ITGA4: variants seen among roughly 807,000 people sequenced by gnomAD.
ITGA4 encodes the protein integrin subunit alpha 4.
Under a neutral mutation model 133.6 loss-of-function variants are expected in ITGA4, and 63 were observed. That is an observed-to-expected ratio of 0.47 (90% CI 0.38 to 0.58). The LOEUF (loss-of-function observed/expected upper bound fraction) is 0.58. Ranked by LOEUF, ITGA4 falls within the 20% of genes least tolerant of loss-of-function variation. The probability of loss-of-function intolerance (pLI) is 0.00; values close to 1 mark genes in which losing one functional copy is unlikely to be tolerated. For missense variants in ITGA4, 1,076 were observed against 1,252.7 expected (o/e 0.86, Z 2.13); for synonymous variants, 483 against 438.0 (o/e 1.10, Z -1.28).
At chr2:181,497,987 T>A (rs911253266) in intron 14 of ITGA4, among the ~76,000 whole-genome samples, 6 of 152,080 alleles carry the variant, frequency 3.9e-5, no homozygotes, top group Admixed American at 1.3e-4. Flanking sequence ...GAGAATTTTT[T>A]AAAAATTGCA....
chr2:181,460,738 C>A (rs1389852222), intron 2 of ITGA4, among the ~76,000 whole-genome samples: 3 of 152,024 alleles, frequency 2.0e-5, no homozygotes, highest in African/African-American at 7.3e-5. Context: ...TTACTTAAAT[C>A]TATTATCTGT....
In ITGA4 at chr2:181,537,486, ATTC is replaced by A. The variant is rs1044481583; in HGVS notation, c.*1962_*1964del. On this transcript the variant is annotated 3_prime_UTR_variant, in exon 28 of 28. Coordinates refer to ENST00000397033, the MANE Select transcript of ITGA4 (RefSeq NM_000885.6). ...CACTTTAAGAAGACAGGGATGGGTT[ATTC>A]TTTTTTGGCAGGTAGGCTATATAAC... The A allele has an allele frequency of 6.6e-6, 3 of 453,104 alleles. No homozygotes were observed. The highest frequency in any genetic ancestry group is 4.7e-5 in the Admixed American group (2 of 42,498). 28.1% of individuals were successfully genotyped at this position (453,104 alleles called of 1,614,324 possible). A position where few individuals can be genotyped will look rare whatever the true frequency, so the allele number is the denominator to read the frequency against.
chr2:181,471,553 G>T (rs1285193250), intron 2 of ITGA4, among the ~76,000 whole-genome samples: 1 of 151,984 alleles, frequency 6.6e-6, no homozygotes, highest in Non-Finnish European at 1.5e-5. Flanking sequence ...ATCTAAGAGT[G>T]GATTAACTAA....
chr2:181,467,205 A>T (rs1250173196), intron 2 of ITGA4, among the ~76,000 whole-genome samples: 1 of 146,164 alleles, frequency 6.8e-6, no homozygotes, highest in Non-Finnish European at 1.5e-5. Flanking sequence ...TTTGTCTTAC[A>T]ATGGAATAGA....
At chr2:181,508,807 C>G (rs1233516744) in intron 15 of ITGA4, among the ~76,000 whole-genome samples, 1 of 151,810 alleles carries the variant, frequency 6.6e-6, no homozygotes, top group African/African-American at 2.4e-5. Context: ...TTCCTATATA[C>G]CATTCAGTAT....
intron 1 of ITGA4, 113 bp from the exon 2 acceptor site, chr2:181,458,083 C>CGGA (rs1464374539): frequency 7.8e-5 from 110 of 1,413,418 alleles, no homozygotes; most frequent in Non-Finnish European, 1.1e-4. Flanking sequence ...GGGTGGTGGG[C>CGGA]GGAGGAGGAG....
chr2:181,537,822 T>G lies in ITGA4; in HGVS notation c.*2295T>G, dbSNP rs1032417998. The G allele has an allele frequency of 2.3e-5, 11 of 478,422 alleles. No homozygotes were observed. The highest frequency in any genetic ancestry group is 1.8e-4 in the African/African-American group (9 of 51,144). The allele number at this position is 478,422 out of a possible 1,614,324, so 29.6% of individuals were successfully genotyped here. A position where few individuals can be genotyped will look rare whatever the true frequency, so the allele number is the denominator to read the frequency against. The stretch of plus-strand genomic sequence containing the variant: ...GACTTTTAAAGCCCTAGAGGCTAAT[T>G]GTTAGTAACATCAATTTCTATTAGG... On this transcript the variant is annotated 3_prime_UTR_variant, in exon 28 of 28. Coordinates refer to ENST00000397033, the MANE Select transcript of ITGA4 (RefSeq NM_000885.6).
At chr2:181,479,740 A>G in intron 5 of ITGA4, 1 of 152,286 alleles carries the variant, frequency 6.6e-6, no homozygotes, top group Non-Finnish European at 1.5e-5. Flanking sequence ...ATAGAAGTAA[A>G]TTAAGTCTAC....
chr2:181,475,073 A>G lies in ITGA4; in HGVS notation c.426+7A>G. 2 of 1,612,764 alleles carry G rather than the reference A, an allele frequency of 1.2e-6. No homozygotes were observed. The highest frequency in any genetic ancestry group is 1.7e-6 in the Non-Finnish European group (2 of 1,178,798). ...AGAAAATGGATCCATCGTGGTAGGT[A>G]TTGGAACTGGTCCACAGATCCATCG... On this transcript the variant is annotated splice_region_variant and intron_variant, in intron 3 of 27. Coordinates refer to ENST00000397033, the MANE Select transcript of ITGA4 (RefSeq NM_000885.6).
At chr2:181,480,342 G>A in intron 6 of ITGA4, 76 bp downstream of exon 6, 3 of 808,350 alleles carry the variant, frequency 3.7e-6, no homozygotes, top group Non-Finnish European at 5.4e-6. Context: ...TAAGGAAAAT[G>A]TATTTTCCAA....
chr2:181,488,646 A>C lies in ITGA4; in HGVS notation c.1153+2654A>C, dbSNP rs949751630. Among the ~76,000 whole-genome samples, 23 of 150,664 alleles carry C rather than the reference A, an allele frequency of 1.5e-4. No homozygotes were observed. The East Asian group carries it at 3.1e-3, about 20-fold the overall frequency. On this transcript the variant is annotated intron_variant, in intron 10 of 27. Transcript: ENST00000397033. ...TGATCTGGGCTCACTGCAAGCTCTG[A>C]CTCCCGGGTTCATGCCATTCTCCTG...
Position 181,531,708 on chromosome 2 carries a change from A to G in ITGA4, c.2716A>G (p.Lys906Glu). 6 of 1,606,782 alleles carry G rather than the reference A, an allele frequency of 3.7e-6. No homozygotes were observed. The highest frequency in any genetic ancestry group is 5.1e-6 in the Non-Finnish European group (6 of 1,174,912). ...TTTAAATTTCTTGTGTAATTTTGGGAAAATGGAAAGTGGAAAAGAAGCCAG... is the reference window on the plus strand; with the variant it reads ...TTTAAATTTCTTGTGTAATTTTGGGGAAATGGAAAGTGGAAAAGAAGCCAG... ...HCLNFLCNFG[K>E]MESGKEASVH... Residue 906 changes from lysine to glutamate, a missense_variant, in exon 25 of 28, where the codon AAA becomes GAA. This residue lies in a region of ITGA4 where 193 missense variants were observed against 172.3 expected (regional missense o/e 1.12). Transcript: ENST00000397033.
At position 181,514,044 on chromosome 2, in the gene ITGA4, A is replaced by T. The variant is rs552134137; in HGVS notation, c.1922+2269A>T. 2.6e-5 allele frequency among the ~76,000 whole-genome samples: 4 copies of T among 152,244 alleles called. No individual in the cohort carries two copies. The South Asian group carries it at 8.3e-4, about 32-fold the overall frequency. ...TGCTGAGAATGGAACAAGATCCCAA[A>T]AGGGATCAGATTCATAGGTAGAGGA... On this transcript the variant is annotated intron_variant, in intron 17 of 27. Coordinates refer to ENST00000397033, the MANE Select transcript of ITGA4 (RefSeq NM_000885.6).
At chr2:181,494,586 G>C (rs1424483096) in intron 11 of ITGA4, 136 bp from the exon 12 acceptor site, 4 of 626,324 alleles carry the variant, frequency 6.4e-6, no homozygotes, top group Non-Finnish European at 1.1e-5. Context: ...AGAAGTATTT[G>C]ATTTAACTAA....
chr2:181,512,042 G>T (rs1424565488), intron 17 of ITGA4, among the ~76,000 whole-genome samples: 1 of 152,028 alleles, frequency 6.6e-6, no homozygotes. Flanking sequence ...GAGTAAAAAG[G>T]AAATAGATAT....
At chr2:181,499,442 A>G (rs981011770) in intron 15 of ITGA4, among the ~76,000 whole-genome samples, 5 of 152,170 alleles carry the variant, frequency 3.3e-5, no homozygotes, top group African/African-American at 9.7e-5. Context: ...AAGCTGTGCC[A>G]GGTCTTTTTC....
In ITGA4 at chr2:181,498,641, G is replaced by A. The variant is rs762162921; in HGVS notation, c.1559G>A (p.Ser520Asn). Reference protein sequence around the residue: ...PGYIVLFYNMSLDVNRKAESP... With the variant: ...PGYIVLFYNMNLDVNRKAESP... ...TTTGCAGTTTTGTTTTATAACATGAGTTTGGATGTGAACAGAAAGGCAGAG... is the reference window on the plus strand; with the variant it reads ...TTTGCAGTTTTGTTTTATAACATGAATTTGGATGTGAACAGAAAGGCAGAG... Residue 520 changes from serine to asparagine, a missense_variant, in exon 15 of 28, where the codon AGT (serine) becomes AAT (asparagine). This residue lies in a region of ITGA4 where 436 missense variants were observed against 590.7 expected (regional missense o/e 0.74). Transcript: ENST00000397033. 13 of 1,607,668 alleles carry A rather than the reference G, an allele frequency of 8.1e-6. No individual in the cohort carries two copies. The Admixed American group carries it at 2.2e-4, about 27-fold the overall frequency.
rs55958305 is a variant in ITGA4 at position 181,523,231 on chromosome 2, C to CATAT, written c.2074-200_2074-197dup. 2.0e-3 allele frequency: 865 copies of CATAT among 432,074 alleles called. 9 individuals carry two copies. The highest frequency in any genetic ancestry group is 0.016 in the African/African-American group (794 of 50,112). The allele number at this position is 432,074 out of a possible 1,614,324, so 26.8% of individuals were successfully genotyped here. On this transcript the variant is annotated intron_variant, in intron 18 of 27. Coordinates refer to ENST00000397033, the MANE Select transcript of ITGA4 (RefSeq NM_000885.6). The surrounding 1 kb of genome is among the most constrained non-coding windows in gnomAD (Gnocchi z 4.2). Reference sequence around the variant, plus strand: ...ACATATATACACACATATATACATACATATATATACACATACATATATACA... The same window carrying CATAT: ...ACATATATACACACATATATACATACATATATATATATACACATACATATATACA...
At chr2:181,520,878 T>C (rs1016577169) in intron 17 of ITGA4, among the ~76,000 whole-genome samples, 1 of 152,280 alleles carries the variant, frequency 6.6e-6, no homozygotes, top group Admixed American at 6.5e-5. Flanking sequence ...AATCTTCAAG[T>C]AATAATTAAA....
Sources: gnomAD v4.1 joint callset for allele counts (sites outside exome capture counted in the v4.1 genomes callset) on GRCh38, gnomAD v4.1.1 for gene constraint, gnomAD v4.1.1 regional missense constraint, Gnocchi (gnomAD v3.1) non-coding constraint, MANE v1.5 for transcripts, NCBI Gene and HGNC (gene_info 2026-07-23, HGNC 2026-07-21) for gene names.